The following CLCN7 variants were observed in gnomAD, a reference collection of about 807,000 sequenced individuals.
The protein encoded by CLCN7 is H(+)/Cl(-) exchange transporter 7.
In CLCN7, 60 loss-of-function variants were observed where a neutral mutation model predicts 102.1. The observed-to-expected ratio is 0.59, with a 90% CI of 0.48 to 0.73. The LOEUF (loss-of-function observed/expected upper bound fraction) is 0.73, where lower values mean the gene tolerates loss of function less well. Ranked by LOEUF, CLCN7 falls within the 30% of genes least tolerant of loss-of-function variation. CLCN7 has a pLI of 0.00. For missense variants in CLCN7, 962 were observed against 1,125.7 expected (o/e 0.85, Z 2.08); for synonymous variants, 560 against 490.5 (o/e 1.14, Z -1.87).
rs376254217 is a variant in CLCN7, at chr16:1,445,513, C to G, written c.*1118G>C. 9.8e-5 allele frequency: 15 copies of G among 152,434 alleles called. No homozygotes were observed. Among genetic ancestry groups the G allele is most frequent in the African/African-American group, 3.1e-4 (13 of 41,588 alleles). 9.4% of individuals were successfully genotyped at this position (152,434 alleles called of 1,614,324 possible). ...CCCCCACGGAGGGACCCGTGTTGCT[C>G]TAACAGGGACACTGAAGTTGCCTCT... On this transcript the variant is annotated 3_prime_UTR_variant, in exon 25 of 25. Transcript: ENST00000382745.
chr16:1,448,382 G>C lies in CLCN7; in HGVS notation c.1986C>G (p.Pro662=). Reference sequence around the variant, plus strand: ...GGGTGTCATCGGCATGCTCCACCACGGGGAAGCCGTTGTGATTGGACGCCG... The same window carrying C: ...GGGTGTCATCGGCATGCTCCACCACCGGGAAGCCGTTGTGATTGGACGCCG... ...SDTASNHNGF[P]VVEHADDTQP... is the part of the protein sequence containing the mutation. The change falls in exon 21 of 25, where the codon CCC becomes CCG. Residue 662 remains proline (P), a synonymous_variant. Transcript: ENST00000382745. 6.2e-7 allele frequency: 1 copy of C among 1,612,752 alleles called. No individual in the cohort carries two copies. The highest frequency in any genetic ancestry group is 8.5e-7 in the Non-Finnish European group (1 of 1,179,968).
chr16:1,447,831 C>A (rs1305518788), intron 21 of CLCN7, 117 bp from the exon 22 acceptor site: 4 of 1,180,696 alleles, frequency 3.4e-6, no homozygotes, highest in Non-Finnish European at 4.9e-6. Context: ...TGGGCATGGG[C>A]CCCGTGTCGG....
chr16:1,457,833 C>T lies in CLCN7; in HGVS notation c.676-77G>A. On this transcript the variant is annotated intron_variant, in intron 7 of 24. Coordinates refer to ENST00000382745, the MANE Select transcript of CLCN7 (RefSeq NM_001287.6). The surrounding 1 kb of genome is among the most constrained non-coding windows in gnomAD (Gnocchi z 5.4). ...TGGACCTGAGCCGTAAAACAGCACA[C>T]ACAGCCCCGATCAGGCAGAGTGGCT... The T allele has an allele frequency of 1.4e-6, 2 of 1,420,890 alleles. No individual in the cohort carries two copies. The highest frequency in any genetic ancestry group is 2.0e-6 in the Non-Finnish European group (2 of 1,007,996). The allele number at this position is 1,420,890 out of a possible 1,614,324, so 88.0% of individuals were successfully genotyped here. A position where few individuals can be genotyped will look rare whatever the true frequency, so the allele number is the denominator to read the frequency against.
intron 1 of CLCN7, chr16:1,474,376 G>A (rs1214954383): frequency 2.8e-6 from 1 of 350,954 alleles, no homozygotes; most frequent in East Asian, 7.9e-5. Context: ...GAAAGACAGT[G>A]ACCCGGCTGC....
At chr16:1,474,178 C>T (rs1051009808) in intron 1 of CLCN7, 3 of 456,008 alleles carry the variant, frequency 6.6e-6, no homozygotes, top group African/African-American at 6.0e-5. Context: ...ACGCACGCTG[C>T]AGGGTGACAT....
intron 13 of CLCN7, 94 bp from the exon 14 acceptor site, chr16:1,453,988 T>G: frequency 7.7e-7 from 1 of 1,296,638 alleles, no homozygotes; most frequent in Non-Finnish European, 1.1e-6. Context: ...CTGGAGGGTT[T>G]GCAGAGGGAA....
Position 1,450,540 on chromosome 16 carries a change from C to T in CLCN7, c.1574G>A (p.Gly525Asp). 2.5e-6 allele frequency: 4 copies of T among 1,610,810 alleles called. No homozygotes were observed. The highest frequency in any genetic ancestry group is 3.4e-6 in the Non-Finnish European group (4 of 1,179,210). The change falls in exon 17 of 25, where the codon GGC (glycine) becomes GAC (aspartate). Residue 525 changes from glycine (G) to aspartate (D), a missense_variant. By Grantham distance (94) the Gly-to-Asp change is moderately conservative. Transcript: ENST00000382745. ...IPSLLIGAAW[G>D]RLFGISLSYL... ...GGACAGGGAGATCCCAAAGAGCCGG[C>T]CCCAGGCAGCCCCGATGAGCAGGGA...
In CLCN7 at chr16:1,474,962, A is replaced by G; in HGVS notation, c.13T>C (p.Ser5Pro). 2 of 1,487,392 alleles carry G rather than the reference A, an allele frequency of 1.3e-6. No homozygotes were observed. The highest frequency in any genetic ancestry group is 1.3e-5 in the South Asian group (1 of 79,300). 92.1% of individuals were successfully genotyped at this position (1,487,392 alleles called of 1,614,324 possible). MANVSKKVSWSGRDR... is the reference protein window; with the variant it reads MANVPKKVSWSGRDR... ...CGGCCGGACCAGGACACCTTCTTAG[A>G]GACGTTGGCCATGGCCCGCCGCGGA... is the stretch of plus-strand genomic sequence containing the variant. Residue 5 changes from serine to proline, a missense_variant, in exon 1 of 25, where the codon TCT becomes CCT. Coordinates refer to ENST00000382745, the MANE Select transcript of CLCN7 (RefSeq NM_001287.6).
At chr16:1,451,053 G>A (rs958581047) in intron 16 of CLCN7, among the ~76,000 whole-genome samples, 4 of 152,242 alleles carry the variant, frequency 2.6e-5, no homozygotes, top group African/African-American at 7.2e-5. Context: ...CCTGGAGCAG[G>A]CAGCACTGTA....
In CLCN7 at chr16:1,448,363, C is replaced by A; in HGVS notation, c.2005G>T (p.Asp669Tyr). The A allele has an allele frequency of 6.2e-7, 1 of 1,612,732 alleles. No individual in the cohort carries two copies. The highest frequency in any genetic ancestry group is 1.1e-5 in the South Asian group (1 of 91,064). The change falls in exon 21 of 25, where the codon GAC becomes TAC. Residue 669 changes from aspartate to tyrosine, a missense_variant. This residue lies in a region of CLCN7 where 799 missense variants were observed against 988.0 expected (regional missense o/e 0.81). Coordinates refer to ENST00000382745, the MANE Select transcript of CLCN7 (RefSeq NM_001287.6). ...NGFPVVEHAD[D>Y]TQPARLQGLI... ...TATGGGGTGCCCGGTACCTGGGTGT[C>A]ATCGGCATGCTCCACCACGGGGAAG...
At chr16:1,458,961 C>T (rs895264054) in intron 7 of CLCN7, 146 bp downstream of exon 7, 59 of 637,168 alleles carry the variant, frequency 9.3e-5, no homozygotes, top group Admixed American at 3.0e-4. Flanking sequence ...GACCCCTTCA[C>T]ACCCAGCCAG....
chr16:1,466,133 C>T (rs747982710), intron 1 of CLCN7, among the ~76,000 whole-genome samples: 15 of 152,250 alleles, frequency 9.9e-5, no homozygotes, highest in Admixed American at 2.6e-4. Flanking sequence ...GTGGAGGGAC[C>T]GCATGCGCAG....
intron 7 of CLCN7, among the ~76,000 whole-genome samples, chr16:1,458,436 A>G (rs894403025): frequency 1.3e-5 from 2 of 152,268 alleles, no homozygotes; most frequent in Non-Finnish European, 2.9e-5. Flanking sequence ...GCGGGTCGCC[A>G]TTCCCAGCTG....
intron 1 of CLCN7, 142 bp downstream of exon 1, chr16:1,474,692 C>CGACA: frequency 1.4e-6 from 1 of 714,124 alleles, no homozygotes; most frequent in Non-Finnish European, 1.9e-6. Context: ...CGCCGAGGAG[C>CGACA]CCCGGGGCGC....
At chr16:1,461,515 G>A (rs374471499) in intron 3 of CLCN7, 45 bp from the exon 4 acceptor site, 28 of 1,600,492 alleles carry the variant, frequency 1.7e-5, no homozygotes, top group African/African-American at 9.4e-5. Context: ...CCGAACCCAC[G>A]CTCTGGGTGC....
intron 2 of CLCN7, among the ~76,000 whole-genome samples, chr16:1,462,041 C>T (rs981436097): frequency 1.1e-4 from 16 of 151,082 alleles, no homozygotes; most frequent in Non-Finnish European, 1.9e-4. Context: ...GCCGAGATTG[C>T]GCCGTTGCAC....
chr16:1,448,730 G>A lies in CLCN7; in HGVS notation c.1834C>T (p.Pro612Ser). 1 of 1,612,532 alleles carries A rather than the reference G, an allele frequency of 6.2e-7. No homozygotes were observed. The highest frequency in any genetic ancestry group is 8.5e-7 in the Non-Finnish European group (1 of 1,179,960). Residue 612 changes from proline (P) to serine (S), a missense_variant, in exon 20 of 25, where the codon CCC becomes TCC. Physicochemically the swap from Pro to Ser is moderately conservative, Grantham distance 74. Coordinates refer to ENST00000382745, the MANE Select transcript of CLCN7 (RefSeq NM_001287.6). ...ACCGGGGCCTCCCAGTGCAGGAAGG[G>A]CACACTCTGCAGCTGAATGTGCATG... ...YDMHIQLQSV[P>S]FLHWEAPVTS... is the part of the protein sequence containing the mutation.
At chr16:1,448,329 G>A (rs754997389) in intron 21 of CLCN7, 26 bp downstream of exon 21, 3 of 1,612,254 alleles carry the variant, frequency 1.9e-6, no homozygotes, top group East Asian at 2.2e-5. Flanking sequence ...ACATAGGCAG[G>A]ACCCTGTCTA....
At chr16:1,449,176 C>G in intron 18 of CLCN7, 83 bp from the exon 19 acceptor site, 2 of 1,592,268 alleles carry the variant, frequency 1.3e-6, no homozygotes, top group Admixed American at 1.8e-5. Context: ...CAGCACCCAT[C>G]CCATCCACCT....
Sources: allele counts gnomAD v4.1 joint callset (sites outside exome capture counted in the v4.1 genomes callset), GRCh38; gene constraint gnomAD v4.1.1; regional missense constraint gnomAD v4.1.1; non-coding constraint Gnocchi (gnomAD v3.1); transcripts MANE v1.5; gene names NCBI Gene and HGNC (gene_info 2026-07-23, HGNC 2026-07-21).